The following RBM43 variants were observed in gnomAD, a reference collection of about 807,000 sequenced individuals.
The protein encoded by RBM43 is RNA-binding protein 43.
A neutral mutation model predicts 12.4 loss-of-function variants in RBM43; 12 were observed. The observed-to-expected ratio is 0.97, with a 90% CI of 0.62 to 1.57. The LOEUF (loss-of-function observed/expected upper bound fraction) is 1.57. Ranked by LOEUF, RBM43 falls within the 40% of genes most tolerant of loss-of-function variation. The pLI, the probability that RBM43 is intolerant of heterozygous loss-of-function variation, is 0.00. For missense variants in RBM43, 348 were observed against 400.1 expected (o/e 0.87, Z 1.11); for synonymous variants, 138 against 145.7 (o/e 0.95, Z 0.38).
chr2:151,260,443 T>C (rs1683032079), intron 1 of RBM43, among the ~76,000 whole-genome samples: 1 of 152,166 alleles, frequency 6.6e-6, no homozygotes, highest in Non-Finnish European at 1.5e-5. Context: ...TGCAATCAAT[T>C]TAAACTCAGG....
At chr2:151,259,879 G>C (rs1364254351) in intron 1 of RBM43, among the ~76,000 whole-genome samples, 1 of 147,278 alleles carries the variant, frequency 6.8e-6, no homozygotes, top group Non-Finnish European at 1.5e-5. Flanking sequence ...TTGTTTGTTT[G>C]TTTTGAGATG....
In RBM43 at chr2:151,252,822, C is replaced by G; in HGVS notation, c.248G>C (p.Trp83Ser). The G allele has an allele frequency of 6.2e-7, 1 of 1,611,142 alleles. No homozygotes were observed. The highest frequency in any genetic ancestry group is 8.5e-7 in the Non-Finnish European group (1 of 1,177,644). ...AGCATGTCTAGTCTTCCTTGCTAGC[C>G]AGTGTTTCTTTTGTCTGATGACATT... Reference protein sequence around the residue: ...AENVIRQKKHWLARKTRHAEL... With the variant: ...AENVIRQKKHSLARKTRHAEL... The change falls in exon 3 of 4, where the codon TGG becomes TCG. Residue 83 changes from tryptophan (W) to serine (S), a missense_variant. Physicochemically the swap from Trp to Ser is radical, Grantham distance 177. Coordinates refer to ENST00000331426, the MANE Select transcript of RBM43 (RefSeq NM_198557.3).
intron 1 of RBM43, among the ~76,000 whole-genome samples, chr2:151,257,933 G>C (rs1682995399): frequency 6.6e-6 from 1 of 152,038 alleles, no homozygotes; most frequent in Non-Finnish European, 1.5e-5. Context: ...AGCTGGGTGT[G>C]GTGGCAGGCA....
chr2:151,257,311 AACACAC>A (rs71403150), intron 1 of RBM43, among the ~76,000 whole-genome samples: 148 of 150,800 alleles, frequency 9.8e-4, no homozygotes, highest in Non-Finnish European at 1.7e-3. Context: ...TGCGTGCACA[AACACAC>A]ACACACACAC....
Position 151,251,612 on chromosome 2 carries a change from A to C in RBM43, c.368T>G (p.Val123Gly). The change falls in exon 4 of 4, where the codon GTT becomes GGT. Residue 123 changes from valine to glycine, a missense_variant. Transcript: ENST00000331426. ...GTCTTTTACCAGAGTTTCTAGAGTA[A>C]CTTCTTTTCCAAAAACAGAAAGATC... ...ILDLSVFGKE[V>G]TLETLVKDLK... 6.2e-7 allele frequency: 1 copy of C among 1,612,960 alleles called. No homozygotes were observed.
chr2:151,252,959 T>C, intron 2 of RBM43, 104 bp from the exon 3 acceptor site: 1 of 539,870 alleles, frequency 1.9e-6, no homozygotes, highest in Admixed American at 3.2e-5. Context: ...TAAGATTTTT[T>C]TCTACATTTT....
intron 1 of RBM43, chr2:151,261,017 T>A: frequency 2.2e-6 from 1 of 462,898 alleles, no homozygotes; most frequent in Non-Finnish European, 3.9e-6. Flanking sequence ...AAATCAGTTG[T>A]TTATTTTCAA....
intron 1 of RBM43, among the ~76,000 whole-genome samples, chr2:151,257,944 C>T (rs1214682057): frequency 6.6e-6 from 1 of 151,984 alleles, no homozygotes; most frequent in Non-Finnish European, 1.5e-5. Flanking sequence ...GTGGCAGGCA[C>T]CTGTAATCCA....
At chr2:151,253,050 A>C (rs972125242) in intron 2 of RBM43, among the ~76,000 whole-genome samples, 195 bp from the exon 3 acceptor site, 2 of 152,208 alleles carry the variant, frequency 1.3e-5, no homozygotes, top group Non-Finnish European at 2.9e-5. Context: ...ATATTATCCA[A>C]ATCATGTTAT....
At position 151,261,761 on chromosome 2, in the gene RBM43, A is replaced by G. The variant is rs56376752; in HGVS notation, c.-34T>C. On this transcript the variant is annotated 5_prime_UTR_variant, in exon 1 of 4. Transcript: ENST00000331426. ...GGAGACGCGCCCTCAGCGGCCGCAG[A>G]AAGCCCACAACCAGCGGAACGCAGG... The G allele has an allele frequency of 0.45, 710,851 of 1,593,034 alleles. 164,368 individuals carry two copies. Among genetic ancestry groups the G allele is most frequent in the Admixed American group, 0.58 (32,813 of 56,366 alleles).
At position 151,248,545 on chromosome 2, in the gene RBM43, T is replaced by C. The variant is rs1682849485; in HGVS notation, c.*2361A>G. The C allele has an allele frequency of 6.6e-6, 1 of 152,156 alleles. No homozygotes were observed. The allele number at this position is 152,156 out of a possible 1,614,324, so 9.4% of individuals were successfully genotyped here. A position where few individuals can be genotyped will look rare whatever the true frequency, so the allele number is the denominator to read the frequency against. ...AACAAGGCAATATTTGTATCCTGAATGTGTTTTGTTTTTGTTTTTATTTTT... is the reference window on the plus strand; with the variant it reads ...AACAAGGCAATATTTGTATCCTGAACGTGTTTTGTTTTTGTTTTTATTTTT... On this transcript the variant is annotated 3_prime_UTR_variant, in exon 4 of 4. Coordinates refer to ENST00000331426, the MANE Select transcript of RBM43 (RefSeq NM_198557.3).
At chr2:151,260,965 C>A in intron 1 of RBM43, 1 of 338,206 alleles carries the variant, frequency 3.0e-6, no homozygotes, top group Non-Finnish European at 5.6e-6. Flanking sequence ...TGGGAAGAAA[C>A]AGAAGATTCA....
At position 151,251,579 on chromosome 2, in the gene RBM43, T is replaced by C. The variant is rs768410995; in HGVS notation, c.401A>G (p.Lys134Arg). The C allele has an allele frequency of 6.8e-6, 11 of 1,614,062 alleles. No homozygotes were observed. In the East Asian group the frequency reaches 2.2e-4, roughly 33 times the overall value. Residue 134 changes from lysine (K) to arginine (R), a missense_variant, in exon 4 of 4, where the codon AAA becomes AGA. Lys to Arg is a conservative substitution (Grantham distance 26). Coordinates refer to ENST00000331426, the MANE Select transcript of RBM43 (RefSeq NM_198557.3). ...ACTGAAGCTTAAACTCGGGATTTTT[T>C]TTTTCAGGTCTTTTACCAGAGTTTC... ...TLETLVKDLK[K>R]KIPSLSFSPL...
chr2:151,253,961 A>G (rs1156229134), intron 2 of RBM43, among the ~76,000 whole-genome samples: 1 of 152,166 alleles, frequency 6.6e-6, no homozygotes, highest in Non-Finnish European at 1.5e-5. Flanking sequence ...AATGTCATCT[A>G]AACAGAGCAT....
rs1396704478 is a variant in RBM43, at chr2:151,251,445, TTC to T, written c.533_534del (p.Arg178LysfsTer5). On this transcript the variant is annotated frameshift_variant, in exon 4 of 4. Coordinates refer to ENST00000331426, the MANE Select transcript of RBM43 (RefSeq NM_198557.3). LOFTEE classifies it low-confidence loss of function (END_TRUNC). ...ARACSLLEKD[R>X]NFTSEERKWN... The stretch of plus-strand genomic sequence containing the variant: ...CACTTTCTCTCCTCACTGGTAAAAT[TTC>T]TGTCTTTTTCTAAGAGAGAACATGC... 6.2e-7 allele frequency: 1 copy of T among 1,614,200 alleles called. No homozygotes were observed. Among genetic ancestry groups the T allele is most frequent in the East Asian group, 2.2e-5 (1 of 44,880 alleles).
In RBM43 at chr2:151,250,920, GC is replaced by G. The variant is rs1682891238; in HGVS notation, c.1059del (p.Gln354LysfsTer11). On this transcript the variant is annotated frameshift_variant, in exon 4 of 4. Transcript: ENST00000331426. LOFTEE classifies it high-confidence loss of function. ...CTGAGATTTTATTAACTAACCTTTT[GC>G]CCTATTAATTTCATGACCCCTTTTT... ...LFKKGVMKLI[G>X]QKVS The G allele has an allele frequency of 6.3e-7, 1 of 1,593,898 alleles. No homozygotes were observed. Among genetic ancestry groups the G allele is most frequent in the African/African-American group, 1.4e-5 (1 of 73,944 alleles).
intron 1 of RBM43, among the ~76,000 whole-genome samples, chr2:151,256,160 C>T (rs1409265867): frequency 6.6e-6 from 1 of 152,010 alleles, no homozygotes. Context: ...CGAGGTTTCA[C>T]CATGTTGGCC....
rs2105189804 is a variant in RBM43 at position 151,252,759 on chromosome 2, T to C, written c.311A>G (p.Asp104Gly). 1.3e-6 allele frequency: 2 copies of C among 1,571,410 alleles called. No individual in the cohort carries two copies. The change falls in exon 3 of 4, where the codon GAC becomes GGC. Residue 104 changes from aspartate (D) to glycine (G), a missense_variant. Physicochemically the swap from Asp to Gly is moderately conservative, Grantham distance 94 (BLOSUM62 -1). Coordinates refer to ENST00000331426, the MANE Select transcript of RBM43 (RefSeq NM_198557.3). ...ACCTACAGCATCACACCTTACCTTG[T>C]CACCAAAATGAGAGACTCTGAGAGA... ...TVSLRVSHFG[D>G]KIFSSVNAIL...
At chr2:151,254,186 G>C (rs1385530621) in intron 2 of RBM43, among the ~76,000 whole-genome samples, 2 of 151,770 alleles carry the variant, frequency 1.3e-5, no homozygotes, top group South Asian at 2.1e-4. Flanking sequence ...GAAAAAAAAG[G>C]CTTTGCCTAT....
Sources: gnomAD v4.1 joint callset for allele counts (sites outside exome capture counted in the v4.1 genomes callset) on GRCh38, gnomAD v4.1.1 for gene constraint, MANE v1.5 for transcripts, NCBI Gene and HGNC (gene_info 2026-07-23, HGNC 2026-07-21) for gene names.